The following PRKAG2 variants were observed in gnomAD, a reference collection of about 807,000 sequenced individuals.
PRKAG2 encodes the protein 5'-AMP-activated protein kinase subunit gamma-2.
Under a neutral mutation model 69.6 loss-of-function variants are expected in PRKAG2, and 26 were observed. That is an observed-to-expected ratio of 0.37 (90% CI 0.27 to 0.52). The LOEUF (loss-of-function observed/expected upper bound fraction) is 0.52, where lower values mean the gene tolerates loss of function less well. Among genes scored for constraint, PRKAG2 ranks in the 20% least tolerant of loss-of-function variants. The pLI is 0.90. For synonymous variants in PRKAG2, 293 were observed against 285.0 expected (o/e 1.03, Z -0.28); for missense variants, 557 against 740.0 (o/e 0.75, Z 2.87).
At chr7:151,833,280 C>T (rs1176318726) in intron 1 of PRKAG2, among the ~76,000 whole-genome samples, 1 of 152,140 alleles carries the variant, frequency 6.6e-6, no homozygotes. Context: ...GCACCCCGGG[C>T]AGGAGGGTAG....
rs113907321 is a variant in PRKAG2 at position 151,768,488 on chromosome 7, T to C, written c.466+12664A>G. On this transcript the variant is annotated intron_variant, in intron 3 of 15. Transcript: ENST00000287878. ...CTTTCTTTCTTTTTTTTTCTGGAGA[T>C]AGAGTCTCACTCTATTGCCCAGGCT... 6.5e-3 allele frequency among the ~76,000 whole-genome samples: 985 copies of C among 152,078 alleles called. 8 individuals carry two copies. Among genetic ancestry groups the C allele is most frequent in the East Asian group, 0.05 (257 of 5,160 alleles).
intron 3 of PRKAG2, among the ~76,000 whole-genome samples, chr7:151,711,932 C>A (rs1000453833): frequency 6.6e-6 from 1 of 152,232 alleles, no homozygotes; most frequent in Non-Finnish European, 1.5e-5. Flanking sequence ...GGTGGCCTGC[C>A]ACCGACTGGG....
chr7:151,801,067 A>G (rs935821400), intron 1 of PRKAG2, among the ~76,000 whole-genome samples: 6 of 152,136 alleles, frequency 3.9e-5, no homozygotes, highest in Admixed American at 6.5e-5. Flanking sequence ...GATGGCCTCA[A>G]TTTCATCTGC....
rs116143611 is a variant in PRKAG2 at position 151,564,891 on chromosome 7, A to C, written c.1437+455T>G. 9.2e-4 allele frequency among the ~76,000 whole-genome samples: 140 copies of C among 152,226 alleles called. 1 individual carries two copies. Among genetic ancestry groups the C allele is most frequent in the African/African-American group, 3.3e-3 (138 of 41,554 alleles). On this transcript the variant is annotated intron_variant, in intron 13 of 15. Coordinates refer to ENST00000287878, the MANE Select transcript of PRKAG2 (RefSeq NM_016203.4). ...TTTAATGTGGGGTCAGTATTGTGGC[A>C]AAAAATGGCGTGCACATTTGGGGCT...
chr7:151,770,827 C>T (rs561306518), intron 3 of PRKAG2, among the ~76,000 whole-genome samples: 7 of 152,282 alleles, frequency 4.6e-5, no homozygotes, highest in African/African-American at 1.4e-4. Flanking sequence ...GGCCTCCCTC[C>T]TGGAGAACCC....
intron 3 of PRKAG2, among the ~76,000 whole-genome samples, chr7:151,757,537 T>C (rs764738013): frequency 6.6e-6 from 1 of 152,190 alleles, no homozygotes; most frequent in Non-Finnish European, 1.5e-5. Flanking sequence ...TCCTTTTGGA[T>C]GTTCAAAATA....
chr7:151,695,871 T>C (rs1563453192), intron 3 of PRKAG2, among the ~76,000 whole-genome samples: 1 of 152,196 alleles, frequency 6.6e-6, no homozygotes, highest in African/African-American at 2.4e-5. Context: ...CTGAATTCTC[T>C]GTAGACAGGT....
intron 3 of PRKAG2, among the ~76,000 whole-genome samples, chr7:151,689,413 T>C (rs1280813237): frequency 6.6e-6 from 1 of 152,184 alleles, no homozygotes; most frequent in African/African-American, 2.4e-5. Context: ...TCCCAAGCCA[T>C]TTCCAGGTGT....
chr7:151,696,018 G>A (rs1256907603), intron 3 of PRKAG2, among the ~76,000 whole-genome samples: 2 of 152,162 alleles, frequency 1.3e-5, no homozygotes, highest in East Asian at 3.9e-4. Context: ...CGGGCCTGAT[G>A]CCGGCATAAG....
At chr7:151,742,620 T>A (rs1253906841) in intron 3 of PRKAG2, among the ~76,000 whole-genome samples, 1 of 148,240 alleles carries the variant, frequency 6.7e-6, no homozygotes, top group Non-Finnish European at 1.5e-5. Context: ...TAAGATTACA[T>A]CTCACAAAAA....
chr7:151,642,549 A>G (rs1396932310), intron 4 of PRKAG2, among the ~76,000 whole-genome samples: 1 of 152,178 alleles, frequency 6.6e-6, no homozygotes, highest in African/African-American at 2.4e-5. Context: ...GAAGTGTATT[A>G]ATTCTGCTGA....
In PRKAG2 at chr7:151,583,575, G is replaced by T. The variant is rs779111905; in HGVS notation, c.865-7123C>A. The stretch of plus-strand genomic sequence containing the variant: ...TATAAAGCAATTTAAAATCATACTT[G>T]GAAAATTCTCCATAATTATAGACGG... On this transcript the variant is annotated intron_variant, in intron 6 of 15. Coordinates refer to ENST00000287878, the MANE Select transcript of PRKAG2 (RefSeq NM_016203.4). The surrounding 1 kb of genome is among the most constrained non-coding windows in gnomAD (Gnocchi z 4.1). Among the ~76,000 whole-genome samples, 4 of 151,984 alleles carry T rather than the reference G, an allele frequency of 2.6e-5. No homozygotes were observed. The highest frequency in any genetic ancestry group is 4.4e-5 in the Non-Finnish European group (3 of 68,008).
chr7:151,611,027 T>C (rs1818705147), intron 5 of PRKAG2, among the ~76,000 whole-genome samples: 1 of 152,140 alleles, frequency 6.6e-6, no homozygotes, highest in Non-Finnish European at 1.5e-5. Context: ...AGTGCTGGGA[T>C]TACAGGCGTG....
At chr7:151,876,316 A>C (rs781211059) in intron 1 of PRKAG2, among the ~76,000 whole-genome samples, 191 bp downstream of exon 1, 1 of 151,764 alleles carries the variant, frequency 6.6e-6, no homozygotes, top group Non-Finnish European at 1.5e-5. Context: ...GCACGCGGGC[A>C]GAGAGAGAGA....
chr7:151,775,697 G>C (rs2076307321), intron 3 of PRKAG2, among the ~76,000 whole-genome samples: 1 of 152,210 alleles, frequency 6.6e-6, no homozygotes, highest in East Asian at 1.9e-4. Context: ...CAGTCCCGTT[G>C]ATCAGAAGTT....
chr7:151,607,152 A>C (rs1051060308), intron 5 of PRKAG2, among the ~76,000 whole-genome samples: 2 of 152,266 alleles, frequency 1.3e-5, no homozygotes, highest in Non-Finnish European at 2.9e-5. Flanking sequence ...TAATTCATAA[A>C]GGTTAATAAC....
chr7:151,685,272 A>G (rs1834550298), intron 3 of PRKAG2, among the ~76,000 whole-genome samples: 1 of 151,898 alleles, frequency 6.6e-6, no homozygotes, highest in African/African-American at 2.4e-5. Context: ...GCTGCCCAAT[A>G]CTTCTCTGAA....
intron 3 of PRKAG2, among the ~76,000 whole-genome samples, chr7:151,763,189 G>T (rs191998321): frequency 6.6e-6 from 1 of 152,232 alleles, no homozygotes; most frequent in Non-Finnish European, 1.5e-5. Flanking sequence ...AGAATTAAGC[G>T]CCAGAATCTA....
chr7:151,581,303 T>C (rs1585031160), intron 6 of PRKAG2, among the ~76,000 whole-genome samples: 1 of 152,248 alleles, frequency 6.6e-6, no homozygotes, highest in African/African-American at 2.4e-5. Flanking sequence ...AGGCATTTAT[T>C]GCATGGTTTA....
Sources: allele counts gnomAD v4.1 joint callset (sites outside exome capture counted in the v4.1 genomes callset), GRCh38; gene constraint gnomAD v4.1.1; non-coding constraint Gnocchi (gnomAD v3.1); transcripts MANE v1.5; gene names NCBI Gene and HGNC (gene_info 2026-07-23, HGNC 2026-07-21).